The following RBPJ variants were observed in gnomAD, a reference collection of about 807,000 sequenced individuals.
The protein encoded by RBPJ is recombination signal binding protein for immunoglobulin kappa J region, also known as recombining binding protein suppressor of hairless.
In RBPJ, 9 loss-of-function variants were observed where a neutral mutation model predicts 67.8. The ratio of observed to expected loss-of-function variants is 0.13; its 90% CI spans 0.08 to 0.23. RBPJ has a LOEUF of 0.23. Ranked by LOEUF, RBPJ falls within the 10% of genes least tolerant of loss-of-function variation. The pLI, the probability that RBPJ is intolerant of heterozygous loss-of-function variation, is 1.00. For synonymous variants in RBPJ, 198 were observed against 203.3 expected (o/e 0.97, Z 0.22); for missense variants, 305 against 595.6 (o/e 0.51, Z 5.08).
At chr4:26,127,429 A>C in the RBPJ span, among the ~76,000 whole-genome samples, 5 of 152,268 alleles carry the variant, frequency 3.3e-5, no homozygotes, top group African/African-American at 1.2e-4. Context: ...CATGTGGTAG[A>C]AATGCACTCT....
At chr4:26,193,327 G>A (rs904520235) in intron 1 of RBPJ, among the ~76,000 whole-genome samples, 5 of 152,194 alleles carry the variant, frequency 3.3e-5, no homozygotes, top group African/African-American at 9.7e-5. Flanking sequence ...GAGCAACAAG[G>A]AGGCTCTTGC....
At chr4:26,388,259 C>G (rs956341581) in intron 2 of RBPJ, among the ~76,000 whole-genome samples, 2 of 152,088 alleles carry the variant, frequency 1.3e-5, no homozygotes, top group Non-Finnish European at 2.9e-5. Context: ...CTTGGCCTCC[C>G]AAAATGCTGG....
chr4:26,249,677 A>G (rs1259600103), intron 1 of RBPJ, among the ~76,000 whole-genome samples: 1 of 152,118 alleles, frequency 6.6e-6, no homozygotes, highest in Non-Finnish European at 1.5e-5. Context: ...ACAAAAAGTA[A>G]TGGCAAAAAC....
intron 1 of RBPJ, among the ~76,000 whole-genome samples, chr4:26,249,946 T>C (rs1033976657): frequency 2.0e-5 from 3 of 150,732 alleles, no homozygotes; most frequent in East Asian, 2.0e-4. Context: ...CCACCATGCC[T>C]GGCTAATTTT....
At chr4:26,245,809 G>A (rs542040478) in intron 1 of RBPJ, among the ~76,000 whole-genome samples, 1 of 152,270 alleles carries the variant, frequency 6.6e-6, no homozygotes, top group East Asian at 1.9e-4. Context: ...AGCATCATTT[G>A]TTGAAAAGAC....
intron 1 of RBPJ, among the ~76,000 whole-genome samples, chr4:26,265,793 C>A (rs927469474): frequency 1.3e-5 from 2 of 152,084 alleles, no homozygotes; most frequent in African/African-American, 4.8e-5. Flanking sequence ...AATCCCAGCA[C>A]TTTGGGAGGC....
intron 1 of RBPJ, among the ~76,000 whole-genome samples, chr4:26,199,229 A>G (rs1307630509): frequency 1.3e-5 from 2 of 152,266 alleles, no homozygotes; most frequent in African/African-American, 4.8e-5. Context: ...GCGGATCATG[A>G]GGTCAGGAGA....
chr4:26,315,786 TC>T (rs34078062), upstream of RBPJ, among the ~76,000 whole-genome samples: 1 of 151,620 alleles, frequency 6.6e-6, no homozygotes, highest in East Asian at 1.9e-4. Flanking sequence ...TTTATAGACC[TC>T]CCCCCAGGAA....
chr4:26,344,362 G>A (rs1349415748), intron 1 of RBPJ, among the ~76,000 whole-genome samples: 1 of 152,006 alleles, frequency 6.6e-6, no homozygotes, highest in African/African-American at 2.4e-5. Flanking sequence ...AGCCTCCGGA[G>A]TAGCTGGGAC....
At chr4:26,323,838 C>T (rs144635716) in intron 1 of RBPJ, among the ~76,000 whole-genome samples, 1 of 152,060 alleles carries the variant, frequency 6.6e-6, no homozygotes, top group Non-Finnish European at 1.5e-5. Flanking sequence ...AAAATTGTTT[C>T]GTTTGAAAGT....
chr4:26,199,167 C>T (rs944111680), intron 1 of RBPJ, among the ~76,000 whole-genome samples: 8 of 152,134 alleles, frequency 5.3e-5, no homozygotes, highest in African/African-American at 7.2e-5. Context: ...TGCCCTTGGC[C>T]GGACACGGTG....
chr4:26,164,746 CAA>C (rs1716199905), intron 1 of RBPJ, among the ~76,000 whole-genome samples: 1 of 152,072 alleles, frequency 6.6e-6, no homozygotes, highest in African/African-American at 2.4e-5. Flanking sequence ...TAGAACTGCA[CAA>C]AAAGAGTTAA....
chr4:26,302,897 C>G (rs1722116567), intron 1 of RBPJ, among the ~76,000 whole-genome samples: 1 of 152,058 alleles, frequency 6.6e-6, no homozygotes, highest in Non-Finnish European at 1.5e-5. Flanking sequence ...GAAACATAAT[C>G]TGGCTGGGCG....
At position 26,366,003 on chromosome 4, in the gene RBPJ, A is replaced by G. The variant is rs577041618; in HGVS notation, c.21-20350A>G. On this transcript the variant is annotated intron_variant, in intron 1 of 10. Transcript: ENST00000355476. Reference sequence around the variant, plus strand: ...CCAGTGGTAGCACACTCTGGAATCAATTTAGCAAGTTGCTGCCTCCCGTGA... The same window carrying G: ...CCAGTGGTAGCACACTCTGGAATCAGTTTAGCAAGTTGCTGCCTCCCGTGA... 3.3e-5 allele frequency among the ~76,000 whole-genome samples: 5 copies of G among 152,380 alleles called. No individual in the cohort carries two copies. In the East Asian group the frequency reaches 9.6e-4, roughly 29 times the overall value.
chr4:26,260,963 T>C (rs1452453622), intron 1 of RBPJ, among the ~76,000 whole-genome samples: 2 of 152,168 alleles, frequency 1.3e-5, no homozygotes, highest in Non-Finnish European at 2.9e-5. Flanking sequence ...TTATGGTAAA[T>C]AGCTTGAGGG....
intron 1 of RBPJ, among the ~76,000 whole-genome samples, chr4:26,237,262 T>G (rs186859796): frequency 4.5e-4 from 69 of 152,268 alleles, no homozygotes; most frequent in African/African-American, 1.4e-3. Flanking sequence ...TATCTGTGTG[T>G]GCTGTCACTT....
intron 8 of RBPJ, among the ~76,000 whole-genome samples, chr4:26,429,515 T>C (rs1037495365): frequency 2.0e-5 from 3 of 152,216 alleles, no homozygotes; most frequent in Admixed American, 6.5e-5. Flanking sequence ...AGCTGTTGCC[T>C]AAGCATGAGG....
chr4:26,210,727 C>CCTTCTTTCTTTCCTTCTTTT (rs55806116), intron 1 of RBPJ, among the ~76,000 whole-genome samples: 8 of 61,846 alleles, frequency 1.3e-4, no homozygotes, highest in East Asian at 4.6e-4. Context: ...TTCTTTCTTT[C>CCTTCTTTCTTTCCTTCTTTT]CTTCTTTACT....
intron 1 of RBPJ, among the ~76,000 whole-genome samples, chr4:26,346,218 GAGAA>G (rs1305837857): frequency 6.6e-6 from 1 of 152,180 alleles, no homozygotes; most frequent in East Asian, 1.9e-4. Flanking sequence ...GCAAAAGAAA[GAGAA>G]AGAGAAAGGA....
Sources: allele counts gnomAD v4.1 joint callset (sites outside exome capture counted in the v4.1 genomes callset), GRCh38; gene constraint gnomAD v4.1.1; transcripts MANE v1.5; gene names NCBI Gene and HGNC (gene_info 2026-07-23, HGNC 2026-07-21).